Variants in SDSL observed in about 807,000 individuals in gnomAD.
SDSL encodes the protein serine dehydratase like.
A neutral mutation model predicts 27.6 loss-of-function variants in SDSL; 26 were observed. That is an observed-to-expected ratio of 0.94 (90% CI 0.69 to 1.31). SDSL has a LOEUF of 1.31. SDSL is among the 50% of genes most tolerant of loss of function. The probability of loss-of-function intolerance (pLI) is 0.00; values close to 1 mark genes in which losing one functional copy is unlikely to be tolerated. For synonymous variants in SDSL, 196 were observed against 180.6 expected (o/e 1.09, Z -0.69); for missense variants, 431 against 423.5 (o/e 1.02, Z -0.16).
chr12:113,428,726 C>T (rs1186716864), intron 3 of SDSL, among the ~76,000 whole-genome samples: 1 of 152,136 alleles, frequency 6.6e-6, no homozygotes, highest in African/African-American at 2.4e-5. Flanking sequence ...CTTTCAGGCA[C>T]AGGGGGATCC....
chr12:113,430,001 C>T (rs116386611), intron 4 of SDSL, among the ~76,000 whole-genome samples: 2,531 of 139,594 alleles, frequency 0.018, 71 homozygotes, highest in African/African-American at 0.061. Context: ...CTCCCTCCTT[C>T]CTTTCTTCAT....
In SDSL at chr12:113,436,847, G is replaced by T; in HGVS notation, c.768G>T (p.Glu256Asp). 1 of 1,610,720 alleles carries T rather than the reference G, an allele frequency of 6.2e-7. No homozygotes were observed. Among genetic ancestry groups the T allele is most frequent in the African/African-American group, 1.3e-5 (1 of 75,004 alleles). ...ACTCTGAAGTGGTGGAGGACACCGA[G>T]GCTGTGAGCGCTGTGCAGCAGCTCC... Reference protein sequence around the residue: ...KIHSEVVEDTEAVSAVQQLLD... With the variant: ...KIHSEVVEDTDAVSAVQQLLD... Residue 256 changes from glutamate to aspartate, a missense_variant, in exon 7 of 8, where the codon GAG becomes GAT. Coordinates refer to ENST00000403593, the MANE Select transcript of SDSL (RefSeq NM_001304993.2).
chr12:113,432,236 C>A (rs961711270), intron 4 of SDSL, among the ~76,000 whole-genome samples: 1 of 119,186 alleles, frequency 8.4e-6, no homozygotes, highest in Non-Finnish European at 1.8e-5. Context: ...TTCTTTCTTT[C>A]TTTCTTTCTT....
chr12:113,436,976 C>A, intron 7 of SDSL, 101 bp downstream of exon 7: 2 of 1,244,854 alleles, frequency 1.6e-6, no homozygotes, highest in South Asian at 1.8e-5. Flanking sequence ...CAGCACCAGG[C>A]ACTGGCTAGG....
chr12:113,429,239 C>T lies in SDSL; in HGVS notation c.294C>T (p.Thr98=). The T allele has an allele frequency of 1.2e-6, 2 of 1,613,836 alleles. No individual in the cohort carries two copies. Among genetic ancestry groups the T allele is most frequent in the African/African-American group, 2.7e-5 (2 of 75,012 alleles). ...IPATIVLPES[T]SLQVVQRLQG... is the part of the protein sequence containing the mutation. ...CCACCATCGTGCTCCCCGAGAGCAC[C>T]TCCCTGCAGGTGGTGCAGAGGCTGC... Residue 98 remains threonine (T), a synonymous_variant, in exon 4 of 8, where the codon ACC becomes ACT. Transcript: ENST00000403593.
intron 1 of SDSL, among the ~76,000 whole-genome samples, chr12:113,423,811 C>T (rs1396145992): frequency 6.6e-6 from 1 of 152,084 alleles, no homozygotes; most frequent in African/African-American, 2.4e-5. Context: ...CTGACAATCC[C>T]AGGATCCCCA....
intron 4 of SDSL, among the ~76,000 whole-genome samples, chr12:113,432,071 A>G (rs1329833632): frequency 6.6e-6 from 1 of 151,566 alleles, no homozygotes; most frequent in Non-Finnish European, 1.5e-5. Flanking sequence ...TTGTATTTTT[A>G]GTAGAGACAG....
At chr12:113,425,143 G>A (rs1472711195) in intron 1 of SDSL, among the ~76,000 whole-genome samples, 1 of 152,160 alleles carries the variant, frequency 6.6e-6, no homozygotes, top group South Asian at 2.1e-4. Context: ...ACTTGTTTGG[G>A]TCACACAGCC....
At chr12:113,436,613 C>T in intron 6 of SDSL, 138 bp from the exon 7 acceptor site, 1 of 904,764 alleles carries the variant, frequency 1.1e-6, no homozygotes, top group Non-Finnish European at 1.5e-6. Context: ...TTGAGCACCT[C>T]CTCTGTGACT....
At chr12:113,432,052 G>A (rs929188261) in intron 4 of SDSL, among the ~76,000 whole-genome samples, 3 of 151,190 alleles carry the variant, frequency 2.0e-5, no homozygotes, top group African/African-American at 7.3e-5. Flanking sequence ...GCTGCGCCCA[G>A]CCTAATTTTT....
intron 6 of SDSL, among the ~76,000 whole-genome samples, chr12:113,436,075 C>T (rs1280575223): frequency 2.0e-5 from 3 of 152,234 alleles, no homozygotes; most frequent in Admixed American, 1.3e-4. Context: ...GTGCTATGAT[C>T]GTCCCTGTGA....
chr12:113,431,164 C>T (rs1007408031), intron 4 of SDSL, among the ~76,000 whole-genome samples: 4 of 152,162 alleles, frequency 2.6e-5, no homozygotes, highest in Admixed American at 6.6e-5. Context: ...TGGATGAGCA[C>T]GGTGCATTCA....
In SDSL at chr12:113,435,453, G is replaced by A. The variant is rs934775112; in HGVS notation, c.568G>A (p.Gly190Ser). 26 of 1,613,838 alleles carry A rather than the reference G, an allele frequency of 1.6e-5. 1 individual carries two copies. The highest frequency in any genetic ancestry group is 4.2e-6 in the Non-Finnish European group (5 of 1,179,958). Reference sequence around the variant, plus strand: ...GGTGGTGGCTGGCCTGCTGGAGGTGGGCTGGCAGCATGTACCCATCATTGC... The same window carrying A: ...GGTGGTGGCTGGCCTGCTGGAGGTGAGCTGGCAGCATGTACCCATCATTGC... ...AGVVAGLLEV[G>S]WQHVPIIAME... The change falls in exon 6 of 8, where the codon GGC becomes AGC. Residue 190 changes from glycine (G) to serine (S), a missense_variant. Coordinates refer to ENST00000403593, the MANE Select transcript of SDSL (RefSeq NM_001304993.2).
chr12:113,428,230 G>A, intron 2 of SDSL, 74 bp downstream of exon 2: 1 of 1,457,012 alleles, frequency 6.9e-7, no homozygotes, highest in South Asian at 1.2e-5. Flanking sequence ...TGTGGGCTGG[G>A]GACGGGTTCG....
chr12:113,427,492 C>A (rs901747932), intron 1 of SDSL, among the ~76,000 whole-genome samples: 1 of 152,216 alleles, frequency 6.6e-6, no homozygotes, highest in African/African-American at 2.4e-5. Flanking sequence ...AAGTTTTCCT[C>A]CTGAGAGATG....
At chr12:113,437,453 G>C (rs142463907) in intron 7 of SDSL, among the ~76,000 whole-genome samples, 39 of 152,198 alleles carry the variant, frequency 2.6e-4, no homozygotes, top group Non-Finnish European at 5.3e-4. Context: ...TGGACGGATG[G>C]ATGGATAATG....
chr12:113,426,956 A>G (rs1364443523), intron 1 of SDSL, among the ~76,000 whole-genome samples: 1 of 152,178 alleles, frequency 6.6e-6, no homozygotes, highest in African/African-American at 2.4e-5. Flanking sequence ...CAAGTTCTTT[A>G]CCTCCAGAGA....
intron 5 of SDSL, 94 bp downstream of exon 5, chr12:113,434,316 C>T: frequency 1.0e-6 from 1 of 960,122 alleles, no homozygotes; most frequent in South Asian, 1.9e-5. Flanking sequence ...AACTGAGGCC[C>T]AGAGGGGAGA....
intron 4 of SDSL, among the ~76,000 whole-genome samples, chr12:113,433,353 G>A (rs557616359): frequency 2.0e-5 from 3 of 152,280 alleles, no homozygotes; most frequent in East Asian, 3.9e-4. Context: ...GGGAGAGGAG[G>A]CCATTGTCTA....
Sources: gnomAD v4.1 joint callset for allele counts (sites outside exome capture counted in the v4.1 genomes callset) on GRCh38, gnomAD v4.1.1 for gene constraint, MANE v1.5 for transcripts, NCBI Gene and HGNC (gene_info 2026-07-23, HGNC 2026-07-21) for gene names.